Variants in APP observed in about 807,000 individuals in gnomAD.
APP encodes amyloid-beta precursor protein.
In APP, 31 loss-of-function variants were observed where a neutral mutation model predicts 101.4. That is an observed-to-expected ratio of 0.31 (90% CI 0.23 to 0.41). The LOEUF (loss-of-function observed/expected upper bound fraction) is 0.41, where lower values mean the gene tolerates loss of function less well. Ranked by LOEUF, APP falls within the 10% of genes least tolerant of loss-of-function variation. APP has a pLI of 1.00. For missense variants in APP, 839 were observed against 1,003.7 expected (o/e 0.84, Z 2.22); for synonymous variants, 366 against 364.4 (o/e 1.00, Z -0.05).
At chr21:25,895,945 C>A (rs2038015125) in intron 16 of APP, among the ~76,000 whole-genome samples, 1 of 152,166 alleles carries the variant, frequency 6.6e-6, no homozygotes, top group Admixed American at 6.5e-5. Context: ...GGAGCTGATT[C>A]TCCTAATTGC....
chr21:26,167,034 C>T (rs764570016), intron 1 of APP, among the ~76,000 whole-genome samples: 13 of 152,066 alleles, frequency 8.5e-5, no homozygotes, highest in Admixed American at 3.9e-4. Context: ...ATCCCCAGAC[C>T]TGGGATATAA....
At chr21:25,961,862 G>C (rs975945896) in intron 11 of APP, among the ~76,000 whole-genome samples, 45 of 152,142 alleles carry the variant, frequency 3.0e-4, no homozygotes, top group Non-Finnish European at 3.8e-4. Context: ...AAAGAATTCA[G>C]TGGCTCACGA....
At chr21:25,928,343 A>AAACAAACAAACG (rs991179742) in intron 13 of APP, among the ~76,000 whole-genome samples, 5 of 1,348 alleles carry the variant, frequency 3.7e-3, no homozygotes, top group African/African-American at 0.01. Context: ...CTCCATCTCA[A>AAACAAACAAACG]AACAAACAAA....
intron 13 of APP, among the ~76,000 whole-genome samples, chr21:25,952,636 T>C (rs2041139140): frequency 6.6e-6 from 1 of 152,162 alleles, no homozygotes; most frequent in Non-Finnish European, 1.5e-5. Context: ...GGGTGGAATA[T>C]TGGTCATCAA....
At chr21:26,020,064 CAATA>C (rs111656549) in intron 6 of APP, among the ~76,000 whole-genome samples, 2,180 of 152,156 alleles carry the variant, frequency 0.014, 55 homozygotes, top group African/African-American at 0.05. Flanking sequence ...GTAAAACTTT[CAATA>C]AATTTTAAGC....
intron 1 of APP, among the ~76,000 whole-genome samples, chr21:26,152,272 A>C (rs1291572872): frequency 8.1e-6 from 1 of 123,364 alleles, no homozygotes; most frequent in East Asian, 2.3e-4. Flanking sequence ...GCGACAGAGC[A>C]AGACTCCATC....
chr21:26,023,475 G>T (rs896350082), intron 5 of APP, among the ~76,000 whole-genome samples: 7 of 151,620 alleles, frequency 4.6e-5, no homozygotes, highest in Non-Finnish European at 5.9e-5. Context: ...AGGAGTTCGA[G>T]GCTGCTGTGA....
intron 14 of APP, among the ~76,000 whole-genome samples, chr21:25,910,447 A>G (rs2039014244): frequency 6.6e-6 from 1 of 152,214 alleles, no homozygotes; most frequent in African/African-American, 2.4e-5. Context: ...TATATTATAA[A>G]TATGAAATCT....
chr21:25,908,446 T>C (rs2038899133), intron 14 of APP, among the ~76,000 whole-genome samples: 2 of 152,216 alleles, frequency 1.3e-5, no homozygotes, highest in African/African-American at 4.8e-5. Context: ...AGGAAATCCT[T>C]TGAGAATTTT....
At chr21:25,901,759 G>A (rs1218863291) in intron 15 of APP, among the ~76,000 whole-genome samples, 2 of 152,134 alleles carry the variant, frequency 1.3e-5, no homozygotes, top group African/African-American at 4.8e-5. Flanking sequence ...TGTAAGTCAT[G>A]ATGAGTGGAC....
chr21:25,979,265 A>C (rs965705777), intron 9 of APP, among the ~76,000 whole-genome samples: 5 of 152,224 alleles, frequency 3.3e-5, no homozygotes, highest in Non-Finnish European at 5.9e-5. Context: ...ACTTAATTTA[A>C]AAAACCGCAC....
chr21:25,881,626 C>A lies in APP; in HGVS notation c.*44G>T, dbSNP rs200487986. On this transcript the variant is annotated 3_prime_UTR_variant, in exon 18 of 18. Transcript: ENST00000346798. ...AAATGGACACCGATGGGTAGTGAAG[C>A]AATGGTTTTGCTGTCCAACTTCAGA... is the stretch of plus-strand genomic sequence containing the variant. 6.3e-7 allele frequency: 1 copy of A among 1,578,644 alleles called. No individual in the cohort carries two copies. Among genetic ancestry groups the A allele is most frequent in the South Asian group, 1.1e-5 (1 of 90,370 alleles).
At chr21:25,884,821 C>T (rs1015199597) in intron 17 of APP, among the ~76,000 whole-genome samples, 3 of 152,332 alleles carry the variant, frequency 2.0e-5, no homozygotes, top group Non-Finnish European at 4.4e-5. Context: ...GGCACATCTA[C>T]CATCACACTG....
intron 1 of APP, among the ~76,000 whole-genome samples, chr21:26,149,701 A>G (rs455465): frequency 6.6e-6 from 1 of 152,126 alleles, no homozygotes; most frequent in Non-Finnish European, 1.5e-5. Context: ...TTTGGAGTAC[A>G]GAATGTCTTT....
rs45602534 is a variant in APP, at chr21:26,058,538, C to T, written c.356-5190G>A. ...GTCTTTTCAAAAGACAGACAGAATT[C>T]CAGGAAGCAAACAGAATTCAGAGTA... On this transcript the variant is annotated intron_variant, in intron 3 of 17. Coordinates refer to ENST00000346798, the MANE Select transcript of APP (RefSeq NM_000484.4). Among the ~76,000 whole-genome samples, 452 of 152,270 alleles carry T rather than the reference C, an allele frequency of 3.0e-3. 2 individuals are homozygous for T. Among genetic ancestry groups the T allele is most frequent in the African/African-American group, 0.01 (433 of 41,552 alleles).
At chr21:25,920,415 TA>T (rs2039573214) in intron 13 of APP, among the ~76,000 whole-genome samples, 1 of 152,222 alleles carries the variant, frequency 6.6e-6, no homozygotes, top group South Asian at 2.1e-4. Context: ...ATTCTGCAAT[TA>T]AAAGACACAG....
chr21:26,081,610 C>T (rs903642537), intron 3 of APP, among the ~76,000 whole-genome samples: 8 of 152,192 alleles, frequency 5.3e-5, no homozygotes, highest in African/African-American at 1.7e-4. Context: ...TGGGCGAATA[C>T]GTGCAGGTCA....
intron 3 of APP, among the ~76,000 whole-genome samples, chr21:26,072,501 C>T (rs921931537): frequency 1.3e-4 from 20 of 152,068 alleles, no homozygotes; most frequent in African/African-American, 3.9e-4. Context: ...TACTTTTCAA[C>T]GTCAAACTTT....
At chr21:26,050,154 A>C (rs949795286) in intron 5 of APP, among the ~76,000 whole-genome samples, 1 of 152,206 alleles carries the variant, frequency 6.6e-6, no homozygotes, top group African/African-American at 2.4e-5. Context: ...AAAAGAAAAA[A>C]AAACAAGCAT....
Sources: gnomAD v4.1 joint callset for allele counts (sites outside exome capture counted in the v4.1 genomes callset) on GRCh38, gnomAD v4.1.1 for gene constraint, MANE v1.5 for transcripts, NCBI Gene and HGNC (gene_info 2026-07-23, HGNC 2026-07-21) for gene names.